TAF3: variants seen among roughly 807,000 people sequenced by gnomAD.
The protein encoded by TAF3 is TATA-box binding protein associated factor 3, also known as transcription initiation factor TFIID subunit 3.
Under a neutral mutation model 80.6 loss-of-function variants are expected in TAF3, and 7 were observed. The ratio of observed to expected loss-of-function variants is 0.09; its 90% CI spans 0.05 to 0.16. The LOEUF is 0.16. Ranked by LOEUF, TAF3 falls within the 10% of genes least tolerant of loss-of-function variation. The probability of loss-of-function intolerance (pLI) is 1.00; values close to 1 mark genes in which losing one functional copy is unlikely to be tolerated. For synonymous variants in TAF3, 444 were observed against 446.1 expected, an observed-to-expected ratio of 1.00 and a Z score of 0.06; for missense variants, 921 against 1,140.2, an observed-to-expected ratio of 0.81 and a Z score of 2.77.
In TAF3 at chr10:7,965,400, AGAT is replaced by A; in HGVS notation, c.1891_1893del (p.Asp631del). 6.2e-7 allele frequency: 1 copy of A among 1,612,602 alleles called. No homozygotes were observed. The highest frequency in any genetic ancestry group is 8.5e-7 in the Non-Finnish European group (1 of 1,179,638). On this transcript the variant is annotated inframe_deletion, in exon 3 of 7. Transcript: ENST00000344293. ...ATAGAGAGAAAGGCAAGAAAGATAA[AGAT>A]AAGAGAGAGAAAGAAAAAGTGAAAG...
At chr10:7,948,120 T>A (rs1174458652) in intron 2 of TAF3, among the ~76,000 whole-genome samples, 1 of 151,640 alleles carries the variant, frequency 6.6e-6, no homozygotes, top group Non-Finnish European at 1.5e-5. Flanking sequence ...TGGAACGCAG[T>A]GGTACGAACA....
At chr10:7,829,707 T>A (rs1487015511) in intron 2 of TAF3, among the ~76,000 whole-genome samples, 2 of 152,194 alleles carry the variant, frequency 1.3e-5, no homozygotes, top group Non-Finnish European at 2.9e-5. Flanking sequence ...GCTGGGGTAG[T>A]GTTTATCTGG....
chr10:7,945,616 C>T, intron 2 of TAF3, among the ~76,000 whole-genome samples: 1 of 151,974 alleles, frequency 6.6e-6, no homozygotes, highest in Middle Eastern at 3.4e-3. Context: ...CCTACAGTAA[C>T]TACCCACCCG....
At chr10:7,977,690 A>G (rs1051798938) in intron 4 of TAF3, among the ~76,000 whole-genome samples, 1 of 152,248 alleles carries the variant, frequency 6.6e-6, no homozygotes, top group African/African-American at 2.4e-5. Context: ...TCCCAAGTAC[A>G]TAGTATCTGT....
chr10:7,982,494 G>T (rs1831734699), intron 4 of TAF3, among the ~76,000 whole-genome samples: 1 of 152,142 alleles, frequency 6.6e-6, no homozygotes, highest in African/African-American at 2.4e-5. Context: ...CACCTCCCGG[G>T]TTCAAGTGAT....
chr10:7,899,498 T>C (rs1447721371), intron 2 of TAF3, among the ~76,000 whole-genome samples: 1 of 152,238 alleles, frequency 6.6e-6, no homozygotes, highest in African/African-American at 2.4e-5. Flanking sequence ...TCTTTCCCTC[T>C]ACAGTTAAAC....
chr10:8,012,605 C>T (rs910621964), intron 5 of TAF3, among the ~76,000 whole-genome samples: 8 of 152,188 alleles, frequency 5.3e-5, no homozygotes, highest in South Asian at 2.1e-4. Flanking sequence ...ACAGCAGGTA[C>T]GGGTGACTGC....
At chr10:7,910,410 T>G (rs1480536848) in intron 2 of TAF3, among the ~76,000 whole-genome samples, 1 of 152,220 alleles carries the variant, frequency 6.6e-6, no homozygotes, top group Non-Finnish European at 1.5e-5. Context: ...AGACAGAATC[T>G]TGCTCCATTG....
intron 3 of TAF3, among the ~76,000 whole-genome samples, chr10:7,966,125 C>G (rs1314812634): frequency 6.6e-6 from 1 of 152,150 alleles, no homozygotes; most frequent in Non-Finnish European, 1.5e-5. Context: ...AGGCAGCATC[C>G]ATGTTTCTAA....
chr10:8,010,873 T>A (rs1015108083), intron 5 of TAF3, among the ~76,000 whole-genome samples: 62 of 151,828 alleles, frequency 4.1e-4, no homozygotes, highest in Admixed American at 4.1e-3. Flanking sequence ...GTACCACTGC[T>A]CTCTAGCCTG....
intron 2 of TAF3, among the ~76,000 whole-genome samples, chr10:7,869,627 A>G (rs1234910971): frequency 6.6e-6 from 1 of 152,214 alleles, no homozygotes; most frequent in East Asian, 1.9e-4. Context: ...AATTTCCTTA[A>G]GAGAAATTCC....
intron 2 of TAF3, among the ~76,000 whole-genome samples, chr10:7,932,853 T>A (rs1837881337): frequency 6.6e-6 from 1 of 151,922 alleles, no homozygotes; most frequent in African/African-American, 2.4e-5. Context: ...AATTCTTAAA[T>A]TTTTTTGTGT....
At chr10:7,981,975 G>A (rs1831730074) in intron 4 of TAF3, among the ~76,000 whole-genome samples, 1 of 152,124 alleles carries the variant, frequency 6.6e-6, no homozygotes, top group Admixed American at 6.6e-5. Flanking sequence ...CAATAGTAGT[G>A]AAGAATAATC....
At chr10:8,007,562 TTATATATATATATATATA>T (rs34833399) in intron 4 of TAF3, among the ~76,000 whole-genome samples, 1,199 of 60,528 alleles carry the variant, frequency 0.02, 57 homozygotes, top group East Asian at 0.047. Context: ...GTGTGTGAAA[TTATATATATATATATATA>T]TATATATATA....
chr10:7,990,439 A>T (rs528796375), intron 4 of TAF3, among the ~76,000 whole-genome samples: 2 of 152,292 alleles, frequency 1.3e-5, no homozygotes, highest in Admixed American at 6.5e-5. Context: ...TATCTGCTTT[A>T]TATGGAGGCT....
chr10:7,835,358 G>T (rs1329963066), intron 2 of TAF3, among the ~76,000 whole-genome samples: 1 of 152,210 alleles, frequency 6.6e-6, no homozygotes, highest in East Asian at 1.9e-4. Context: ...GGAGATTCAG[G>T]GTAGCTCCTC....
At chr10:7,835,091 G>A (rs1836838589) in intron 2 of TAF3, among the ~76,000 whole-genome samples, 1 of 152,156 alleles carries the variant, frequency 6.6e-6, no homozygotes. Context: ...CTATATGTGA[G>A]TTAGTTTTCT....
At chr10:7,859,879 A>G (rs1837127385) in intron 2 of TAF3, among the ~76,000 whole-genome samples, 1 of 152,234 alleles carries the variant, frequency 6.6e-6, no homozygotes, top group African/African-American at 2.4e-5. Context: ...TTATTATTTC[A>G]TAATGATTAT....
At chr10:8,002,320 G>A (rs979603322) in intron 4 of TAF3, among the ~76,000 whole-genome samples, 3 of 151,780 alleles carry the variant, frequency 2.0e-5, no homozygotes, top group Admixed American at 6.6e-5. Context: ...GCTTTATCCC[G>A]TCGCACATCG....
Sources: allele counts gnomAD v4.1 joint callset (sites outside exome capture counted in the v4.1 genomes callset), GRCh38; gene constraint gnomAD v4.1.1; transcripts MANE v1.5; gene names NCBI Gene and HGNC (gene_info 2026-07-23, HGNC 2026-07-21).